The following DNAJA3 variants were observed in gnomAD, a reference collection of about 807,000 sequenced individuals.
DNAJA3 encodes the protein dnaJ homolog subfamily A member 3, mitochondrial.
A neutral mutation model predicts 54.9 loss-of-function variants in DNAJA3; 29 were observed. The ratio of observed to expected loss-of-function variants is 0.53; its 90% CI spans 0.39 to 0.72. DNAJA3 has a LOEUF of 0.72. DNAJA3 is among the 30% of genes least tolerant of loss of function. The pLI, the probability that DNAJA3 is intolerant of heterozygous loss-of-function variation, is 0.00. For missense variants in DNAJA3, 708 were observed against 639.4 expected, an observed-to-expected ratio of 1.11 and a Z score of -1.16; for synonymous variants, 302 against 251.4, an observed-to-expected ratio of 1.20 and a Z score of -1.90.
intron 10 of DNAJA3, among the ~76,000 whole-genome samples, chr16:4,454,027 A>G (rs975949057): frequency 2.0e-5 from 3 of 152,200 alleles, no homozygotes; most frequent in Non-Finnish European, 4.4e-5. Flanking sequence ...GTACCTCTAG[A>G]TGGTGTCAGC....
intron 3 of DNAJA3, 65 bp from the exon 4 acceptor site, chr16:4,441,310 C>A: frequency 6.9e-7 from 1 of 1,456,166 alleles, no homozygotes. Context: ...TTGCTGTGAA[C>A]TCTTGTCTGT....
intron 1 of DNAJA3, among the ~76,000 whole-genome samples, chr16:4,426,462 G>C (rs774264597): frequency 2.0e-5 from 3 of 152,150 alleles, no homozygotes; most frequent in Non-Finnish European, 4.4e-5. Flanking sequence ...TAGGTACTTT[G>C]TTACAACAAC....
chr16:4,432,639 G>T (rs1365289413), intron 1 of DNAJA3, among the ~76,000 whole-genome samples: 1 of 152,014 alleles, frequency 6.6e-6, no homozygotes, highest in Non-Finnish European at 1.5e-5. Flanking sequence ...ACCATACCCG[G>T]CCCGGCTTAT....
chr16:4,448,911 T>C (rs1017457534), intron 9 of DNAJA3, 63 bp downstream of exon 9: 2 of 1,303,152 alleles, frequency 1.5e-6, no homozygotes, highest in Non-Finnish European at 2.2e-6. Context: ...CCCTTGGAGC[T>C]CTGTGGCTTG....
intron 2 of DNAJA3, 98 bp downstream of exon 2, chr16:4,434,615 A>G: frequency 7.4e-7 from 1 of 1,354,266 alleles, no homozygotes; most frequent in Non-Finnish European, 1.0e-6. Context: ...CCATATGAAT[A>G]GGTCTCATGA....
At position 4,444,669 on chromosome 16, in the gene DNAJA3, G is replaced by T; in HGVS notation, c.937G>T (p.Glu313Ter). ...CTTTCTAATGTCCCTTGTAGGAGTC[G>T]AGGATGGCCAGACCGTGAGGATGCC... The part of the protein sequence containing the change: ...RVMIPVPAGV[E>*]DGQTVRMPVG... The change falls in exon 7 of 12, where the codon GAG (glutamate) becomes TAG (stop). Residue 313 changes from glutamate (E) to a stop codon, truncating the protein, a stop_gained. Coordinates refer to ENST00000262375, the MANE Select transcript of DNAJA3 (RefSeq NM_005147.6). LOFTEE classifies it high-confidence loss of function. 1.9e-6 allele frequency: 3 copies of T among 1,614,076 alleles called. No individual in the cohort carries two copies. The highest frequency in any genetic ancestry group is 2.5e-6 in the Non-Finnish European group (3 of 1,179,984).
At chr16:4,427,083 A>C (rs2056633587) in intron 1 of DNAJA3, 1 of 152,154 alleles carries the variant, frequency 6.6e-6, no homozygotes, top group Non-Finnish European at 1.5e-5. Flanking sequence ...ACGCCTGGCC[A>C]ATTTTTGTAT....
At chr16:4,447,342 C>T (rs2056915022) in intron 8 of DNAJA3, 1 of 259,832 alleles carries the variant, frequency 3.8e-6, no homozygotes, top group Non-Finnish European at 7.4e-6. Flanking sequence ...TGTCTGGCTC[C>T]AAGAGCAGAA....
intron 1 of DNAJA3, among the ~76,000 whole-genome samples, chr16:4,432,814 C>G (rs893262479): frequency 2.2e-4 from 34 of 151,758 alleles, no homozygotes; most frequent in African/African-American, 7.7e-4. Context: ...CCAGTCTGGG[C>G]AAGAAGAGCG....
chr16:4,438,635 CTTT>C (rs56211652), intron 3 of DNAJA3, among the ~76,000 whole-genome samples: 6 of 110,640 alleles, frequency 5.4e-5, no homozygotes, highest in Admixed American at 1.1e-4. Flanking sequence ...ACAATCTTTT[CTTT>C]TTTTTTTTTT....
chr16:4,450,245 C>T (rs1199681814), intron 9 of DNAJA3, 155 bp from the exon 10 acceptor site: 2 of 586,956 alleles, frequency 3.4e-6, no homozygotes, highest in Non-Finnish European at 6.0e-6. Flanking sequence ...AGGGCATGGT[C>T]CTTAGGTTCT....
At chr16:4,451,286 T>C (rs753961307) in intron 10 of DNAJA3, among the ~76,000 whole-genome samples, 1 of 152,130 alleles carries the variant, frequency 6.6e-6, no homozygotes, top group Non-Finnish European at 1.5e-5. Context: ...TTCTCAGAAC[T>C]TGAGCAGCCT....
rs928687438 is a variant in DNAJA3, at chr16:4,455,635, C to T, written c.*103C>T. Reference sequence around the variant, plus strand: ...AGACGGGAGGATTCCAGAACAGCAGCACTGAGCTCCCACCCGCAGAGCCTC... The same window carrying T: ...AGACGGGAGGATTCCAGAACAGCAGTACTGAGCTCCCACCCGCAGAGCCTC... On this transcript the variant is annotated 3_prime_UTR_variant, in exon 12 of 12. Coordinates refer to ENST00000262375, the MANE Select transcript of DNAJA3 (RefSeq NM_005147.6). 7.2e-6 allele frequency: 11 copies of T among 1,529,112 alleles called. No homozygotes were observed. Among genetic ancestry groups the T allele is most frequent in the Admixed American group, 3.9e-5 (2 of 50,894 alleles). 94.7% of individuals were successfully genotyped at this position (1,529,112 alleles called of 1,614,324 possible).
intron 10 of DNAJA3, among the ~76,000 whole-genome samples, chr16:4,451,015 G>A (rs912358898): frequency 2.0e-5 from 3 of 152,188 alleles, no homozygotes; most frequent in African/African-American, 2.4e-5. Context: ...TTATCTAGCC[G>A]TGAACAGATG....
At chr16:4,448,377 C>T (rs2056931638) in intron 8 of DNAJA3, among the ~76,000 whole-genome samples, 1 of 151,914 alleles carries the variant, frequency 6.6e-6, no homozygotes, top group Admixed American at 6.6e-5. Flanking sequence ...GAGTCTTGCT[C>T]TGTCAGCCAG....
At chr16:4,441,214 T>G in intron 3 of DNAJA3, 161 bp from the exon 4 acceptor site, 1 of 632,800 alleles carries the variant, frequency 1.6e-6, no homozygotes. Flanking sequence ...CTCATCCCTC[T>G]TCTAGGTGCT....
At chr16:4,432,186 C>CATTT (rs1407949730) in intron 1 of DNAJA3, among the ~76,000 whole-genome samples, 1 of 149,200 alleles carries the variant, frequency 6.7e-6, no homozygotes, top group Non-Finnish European at 1.5e-5. Context: ...GTCTTTGATC[C>CATTT]ATTTATTTAT....
At chr16:4,429,992 T>C (rs1221281674) in intron 1 of DNAJA3, among the ~76,000 whole-genome samples, 1 of 150,708 alleles carries the variant, frequency 6.6e-6, no homozygotes, top group Non-Finnish European at 1.5e-5. Context: ...GTATGACTCT[T>C]TCTCTACCAA....
chr16:4,438,682 G>A (rs1435632878), intron 3 of DNAJA3, among the ~76,000 whole-genome samples: 3 of 87,850 alleles, frequency 3.4e-5, no homozygotes, highest in African/African-American at 4.6e-5. Flanking sequence ...CCTCTATGTT[G>A]CCCAGGCTGG....
Sources: gnomAD v4.1 joint callset for allele counts (sites outside exome capture counted in the v4.1 genomes callset) on GRCh38, gnomAD v4.1.1 for gene constraint, MANE v1.5 for transcripts, NCBI Gene and HGNC (gene_info 2026-07-23, HGNC 2026-07-21) for gene names.